Variants in PLEKHA2 observed in about 807,000 individuals in gnomAD.
PLEKHA2 encodes the protein pleckstrin homology domain-containing family A member 2.
PLEKHA2 carries 28 observed loss-of-function variants against 53.2 expected under a neutral mutation model. The observed-to-expected ratio is 0.53, with a 90% confidence interval of 0.39 to 0.72. The LOEUF is 0.72. Ranked by LOEUF, PLEKHA2 falls within the 30% of genes least tolerant of loss-of-function variation. The pLI is 0.00. For synonymous variants in PLEKHA2, 193 were observed against 196.4 expected (o/e 0.98, Z 0.14); for missense variants, 426 against 537.9 (o/e 0.79, Z 2.06).
chr8:38,951,312 C>T (rs1834835123), intron 6 of PLEKHA2, among the ~76,000 whole-genome samples: 1 of 152,152 alleles, frequency 6.6e-6, no homozygotes, highest in Admixed American at 6.5e-5. Context: ...GGCTGGAAAC[C>T]AGCCTGGTGT....
Position 38,951,063 on chromosome 8 carries a change from G to A in PLEKHA2, c.486+73G>A, listed in dbSNP as rs775173480. On this transcript the variant is annotated intron_variant, in intron 6 of 11. Transcript: ENST00000617275. ...TCCATGGTGTGCCCATGATGTGCTC[G>A]GAGCACTGTACTGGGGAAAAGGAGG... 172 of 1,362,956 alleles carry A rather than the reference G, an allele frequency of 1.3e-4. 1 individual carries two copies. The highest frequency in any genetic ancestry group is 1.6e-4 in the African/African-American group (11 of 68,742). The allele number at this position is 1,362,956 out of a possible 1,614,324, so 84.4% of individuals were successfully genotyped here. A position where few individuals can be genotyped will look rare whatever the true frequency, so the allele number is the denominator to read the frequency against.
At chr8:38,903,839 G>A (rs1163383096) in intron 1 of PLEKHA2, among the ~76,000 whole-genome samples, 3 of 152,166 alleles carry the variant, frequency 2.0e-5, no homozygotes, top group Admixed American at 2.0e-4. Context: ...TAGACCTAGG[G>A]CTTGGAAAAG....
chr8:38,937,075 T>C (rs905045183), intron 3 of PLEKHA2, among the ~76,000 whole-genome samples: 1 of 152,120 alleles, frequency 6.6e-6, no homozygotes, highest in African/African-American at 2.4e-5. Context: ...TGGGGGACTC[T>C]GGAGGAGAGG....
At chr8:38,930,643 CCACGG>C (rs1040621639) in intron 2 of PLEKHA2, among the ~76,000 whole-genome samples, 23 of 121,752 alleles carry the variant, frequency 1.9e-4, no homozygotes, top group African/African-American at 6.7e-4. Flanking sequence ...GCACGGCACC[CCACGG>C]CATGGCATGG....
At chr8:38,953,106 C>G (rs770056612) in intron 8 of PLEKHA2, among the ~76,000 whole-genome samples, 191 bp from the exon 9 acceptor site, 1 of 152,122 alleles carries the variant, frequency 6.6e-6, no homozygotes, top group Non-Finnish European at 1.5e-5. Context: ...CTTCCAAAGT[C>G]CTGGTATTAC....
At position 38,941,438 on chromosome 8, in the gene PLEKHA2, C is replaced by T. The variant is rs565337004; in HGVS notation, c.199-2351C>T. ...CGTTTACTTGACGTAACATCCTGTACGCATTTAAATACTTGTCAGGGAGGT... is the reference window on the plus strand; with the variant it reads ...CGTTTACTTGACGTAACATCCTGTATGCATTTAAATACTTGTCAGGGAGGT... On this transcript the variant is annotated intron_variant, in intron 3 of 11. Coordinates refer to ENST00000617275, the MANE Select transcript of PLEKHA2 (RefSeq NM_021623.2). 5.9e-5 allele frequency among the ~76,000 whole-genome samples: 9 copies of T among 152,272 alleles called. No homozygotes were observed. In the South Asian group the frequency reaches 6.2e-4, roughly 11 times the overall value.
intron 2 of PLEKHA2, among the ~76,000 whole-genome samples, chr8:38,935,208 C>T (rs753248387): frequency 1.3e-5 from 2 of 151,968 alleles, no homozygotes; most frequent in African/African-American, 4.8e-5. Flanking sequence ...GGGGTTTTGC[C>T]ATGTTGTCCA....
At chr8:38,920,595 G>A (rs1455021260) in intron 2 of PLEKHA2, among the ~76,000 whole-genome samples, 1 of 135,588 alleles carries the variant, frequency 7.4e-6, no homozygotes, top group African/African-American at 2.6e-5. Context: ...TTTTCAATTT[G>A]GGATCTTACT....
chr8:38,907,451 C>G (rs1369889679), intron 1 of PLEKHA2, among the ~76,000 whole-genome samples: 2 of 152,224 alleles, frequency 1.3e-5, no homozygotes, highest in African/African-American at 4.8e-5. Flanking sequence ...CCACAGCTCT[C>G]ATTACTTAAT....
chr8:38,951,120 G>A (rs972841141), intron 6 of PLEKHA2, 130 bp downstream of exon 6: 2 of 810,746 alleles, frequency 2.5e-6, no homozygotes, highest in Non-Finnish European at 1.8e-6. Flanking sequence ...TGCCAGTGGA[G>A]CCATCAGGAA....
intron 2 of PLEKHA2, among the ~76,000 whole-genome samples, chr8:38,934,952 A>G (rs1486659674): frequency 1.3e-5 from 2 of 152,296 alleles, no homozygotes; most frequent in Middle Eastern, 3.4e-3. Context: ...AACAGCTCAC[A>G]CTTGCTGAGA....
chr8:38,952,754 T>C (rs1309105916), intron 8 of PLEKHA2, 50 bp downstream of exon 8: 1 of 1,550,270 alleles, frequency 6.5e-7, no homozygotes, highest in Admixed American at 1.7e-5. Flanking sequence ...AACTAAGAGG[T>C]GCATAGGTGC....
intron 2 of PLEKHA2, among the ~76,000 whole-genome samples, chr8:38,925,405 T>C (rs1488908104): frequency 6.6e-6 from 1 of 152,190 alleles, no homozygotes; most frequent in African/African-American, 2.4e-5. Context: ...CAAGACCAAA[T>C]TATATGGCCC....
chr8:38,940,218 C>T (rs1054983137), intron 3 of PLEKHA2, among the ~76,000 whole-genome samples: 4 of 151,666 alleles, frequency 2.6e-5, no homozygotes, highest in East Asian at 1.9e-4. Flanking sequence ...GCCAACATGG[C>T]GAAACCCCAT....
At position 38,971,165 on chromosome 8, in the gene PLEKHA2, T is replaced by G. The variant is rs1449880421; in HGVS notation, c.*1382T>G. 6.6e-6 allele frequency: 1 copy of G among 152,232 alleles called. No homozygotes were observed. The highest frequency in any genetic ancestry group is 1.5e-5 in the Non-Finnish European group (1 of 68,048). The allele number at this position is 152,232 out of a possible 1,614,324, so 9.4% of individuals were successfully genotyped here. A position where few individuals can be genotyped will look rare whatever the true frequency, so the allele number is the denominator to read the frequency against. ...GGAATCATGTTTCTTTCAGGACGTG[T>G]TGTTTCCCTGAAGTCTATGTCACAC... On this transcript the variant is annotated 3_prime_UTR_variant, in exon 12 of 12. Transcript: ENST00000617275.
intron 1 of PLEKHA2, among the ~76,000 whole-genome samples, chr8:38,911,697 G>T (rs1378447582): frequency 1.3e-5 from 2 of 152,204 alleles, no homozygotes; most frequent in African/African-American, 2.4e-5. Context: ...ATTTAAGGCT[G>T]GGTGTGGTGG....
In PLEKHA2 at chr8:38,936,098, T is replaced by C. The variant is rs1427037130; in HGVS notation, c.198+48T>C. Reference sequence around the variant, plus strand: ...GGAATTCATGCTCTGTAAGTCGATCTGGTTTCTAAGCAAGGGGAAGTGTCC... The same window carrying C: ...GGAATTCATGCTCTGTAAGTCGATCCGGTTTCTAAGCAAGGGGAAGTGTCC... On this transcript the variant is annotated intron_variant, in intron 3 of 11. Transcript: ENST00000617275. 6 of 1,585,258 alleles carry C rather than the reference T, an allele frequency of 3.8e-6. No individual in the cohort carries two copies. The African/African-American group carries it at 6.7e-5, about 18-fold the overall frequency.
At chr8:38,939,402 A>G (rs1019224736) in intron 3 of PLEKHA2, among the ~76,000 whole-genome samples, 5 of 152,246 alleles carry the variant, frequency 3.3e-5, no homozygotes, top group Non-Finnish European at 5.9e-5. Flanking sequence ...TTAATTCAGC[A>G]ATGAGTTGGT....
chr8:38,967,789 A>G (rs574132868), intron 10 of PLEKHA2, among the ~76,000 whole-genome samples: 16 of 151,550 alleles, frequency 1.1e-4, no homozygotes, highest in Non-Finnish European at 2.2e-4. Flanking sequence ...AGCCTCCCAA[A>G]TAGCTGGGAC....
Sources: allele counts gnomAD v4.1 joint callset (sites outside exome capture counted in the v4.1 genomes callset), GRCh38; gene constraint gnomAD v4.1.1; transcripts MANE v1.5; gene names NCBI Gene and HGNC (gene_info 2026-07-23, HGNC 2026-07-21).